KALRN: variants seen among roughly 807,000 people sequenced by gnomAD.
KALRN encodes the protein kalirin.
In KALRN, 70 loss-of-function variants were observed where a neutral mutation model predicts 353.7. That is an observed-to-expected ratio of 0.20 (90% CI 0.16 to 0.24). The LOEUF (loss-of-function observed/expected upper bound fraction) is 0.24. KALRN is among the 10% of genes least tolerant of loss of function. The probability of loss-of-function intolerance (pLI) is 1.00; values close to 1 mark genes in which losing one functional copy is unlikely to be tolerated. For synonymous variants in KALRN, 1,391 were observed against 1,434.8 expected (o/e 0.97, Z 0.69); for missense variants, 2,791 against 3,756.7 (o/e 0.74, Z 6.72).
At position 124,177,270 on chromosome 3, in the gene KALRN, G is replaced by A. The variant is rs201797972; in HGVS notation, c.74-50720G>A. ...AGGCCTGCCATTTCTCAAACACTCC[G>A]GGCAAGACTATTGCTTGGCAAGTGT... On this transcript the variant is annotated intron_variant, in intron 1 of 59. Transcript: ENST00000682506. Among the ~76,000 whole-genome samples, 6 of 152,158 alleles carry A rather than the reference G, an allele frequency of 3.9e-5. No homozygotes were observed. In the East Asian group the frequency reaches 5.8e-4, roughly 15 times the overall value.
At chr3:124,065,584 G>A (rs557027744) in intron 1 of KALRN, among the ~76,000 whole-genome samples, 29 of 140,664 alleles carry the variant, frequency 2.1e-4, no homozygotes, top group Non-Finnish European at 3.3e-4. Context: ...ATGGTGACTA[G>A]TTATACTATT....
At chr3:124,584,172 C>T (rs2074885398) in intron 34 of KALRN, among the ~76,000 whole-genome samples, 1 of 152,052 alleles carries the variant, frequency 6.6e-6, no homozygotes, top group Non-Finnish European at 1.5e-5. Context: ...GATTCCAAAC[C>T]CAGAGTGTGT....
intron 1 of KALRN, among the ~76,000 whole-genome samples, chr3:124,165,314 C>T (rs1026010858): frequency 2.6e-5 from 4 of 152,152 alleles, no homozygotes; most frequent in African/African-American, 9.6e-5. Context: ...CCTGGCTGTG[C>T]ATTAGCATCT....
At chr3:124,252,856 C>G (rs958686422) in intron 3 of KALRN, among the ~76,000 whole-genome samples, 1 of 152,332 alleles carries the variant, frequency 6.6e-6, no homozygotes, top group East Asian at 1.9e-4. Context: ...CTTCTGGATA[C>G]CCAGCCATCC....
chr3:124,147,444 T>G (rs1285681949), intron 1 of KALRN, among the ~76,000 whole-genome samples: 3 of 152,196 alleles, frequency 2.0e-5, no homozygotes, highest in Non-Finnish European at 2.9e-5. Flanking sequence ...TTTGAGTAGG[T>G]GGACCTATCC....
At chr3:124,250,855 G>A (rs2071045928) in intron 3 of KALRN, among the ~76,000 whole-genome samples, 1 of 151,974 alleles carries the variant, frequency 6.6e-6, no homozygotes. Flanking sequence ...AGAAGGAAGG[G>A]ATGAACAGCT....
chr3:124,318,180 A>T (rs1364427079), intron 6 of KALRN, among the ~76,000 whole-genome samples: 2 of 152,146 alleles, frequency 1.3e-5, no homozygotes, highest in Admixed American at 1.3e-4. Context: ...AGCCAATGTT[A>T]TCTTTGCTGG....
chr3:124,130,474 A>G (rs984254572), intron 1 of KALRN, among the ~76,000 whole-genome samples: 29 of 152,288 alleles, frequency 1.9e-4, no homozygotes, highest in African/African-American at 6.5e-4. Context: ...TTTAAAAATG[A>G]CTATTTACCA....
At chr3:124,227,224 A>G (rs1035752570) in intron 1 of KALRN, among the ~76,000 whole-genome samples, 8 of 152,176 alleles carry the variant, frequency 5.3e-5, no homozygotes, top group African/African-American at 1.7e-4. Flanking sequence ...CAGGAACTCA[A>G]CTAGAACATA....
chr3:124,177,225 C>T (rs1026546461), intron 1 of KALRN, among the ~76,000 whole-genome samples: 3 of 152,196 alleles, frequency 2.0e-5, no homozygotes, highest in South Asian at 2.1e-4. Context: ...GAGAACTCTG[C>T]GTGTGTTGTC....
At chr3:124,287,413 T>C (rs899876997) in intron 5 of KALRN, among the ~76,000 whole-genome samples, 1 of 151,912 alleles carries the variant, frequency 6.6e-6, no homozygotes, top group Non-Finnish European at 1.5e-5. Flanking sequence ...CTCAGCCTCC[T>C]TACCAGTCCC....
At chr3:124,277,863 C>T (rs972587085) in intron 5 of KALRN, among the ~76,000 whole-genome samples, 6 of 152,198 alleles carry the variant, frequency 3.9e-5, no homozygotes, top group African/African-American at 1.4e-4. Flanking sequence ...ACTGTGGACC[C>T]CTTAGTGACT....
intron 1 of KALRN, among the ~76,000 whole-genome samples, chr3:124,212,202 G>A (rs911116758): frequency 6.0e-5 from 9 of 150,528 alleles, no homozygotes; most frequent in South Asian, 2.1e-4. Flanking sequence ...GTTGTAGAAA[G>A]TTTGAAAACT....
intron 14 of KALRN, among the ~76,000 whole-genome samples, chr3:124,421,003 T>C (rs1173146981): frequency 6.6e-6 from 1 of 152,208 alleles, no homozygotes; most frequent in African/African-American, 2.4e-5. Flanking sequence ...TGGTGACTTA[T>C]CTGCTGGGCT....
In KALRN at chr3:124,244,867, A is replaced by T. The variant is rs2080931069; in HGVS notation, c.263+9924A>T. ...TATAATTTTTTTTTGCTTTTTAAAA[A>T]TTGATACATAATGTACATATTTATA... On this transcript the variant is annotated intron_variant, in intron 3 of 59. Transcript: ENST00000682506. 2.6e-5 allele frequency among the ~76,000 whole-genome samples: 4 copies of T among 152,110 alleles called. No individual in the cohort carries two copies. In the South Asian group the frequency reaches 8.3e-4, roughly 31 times the overall value.
At chr3:124,333,635 C>G (rs890130649) in intron 8 of KALRN, among the ~76,000 whole-genome samples, 5 of 152,114 alleles carry the variant, frequency 3.3e-5, no homozygotes, top group African/African-American at 1.2e-4. Context: ...CACCTGTAAT[C>G]CAAGCACTTT....
At chr3:124,090,732 G>C (rs2061068516) in intron 1 of KALRN, among the ~76,000 whole-genome samples, 1 of 152,174 alleles carries the variant, frequency 6.6e-6, no homozygotes, top group African/African-American at 2.4e-5. Flanking sequence ...GGAGAGCACG[G>C]ACTGAAGCGG....
At chr3:124,200,025 T>C (rs967051184) in intron 1 of KALRN, among the ~76,000 whole-genome samples, 3 of 152,204 alleles carry the variant, frequency 2.0e-5, no homozygotes, top group Non-Finnish European at 2.9e-5. Flanking sequence ...CTTCTGCATA[T>C]GTCTAAATTT....
At chr3:124,070,674 G>A (rs1481616316) in intron 1 of KALRN, among the ~76,000 whole-genome samples, 1 of 152,204 alleles carries the variant, frequency 6.6e-6, no homozygotes, top group Non-Finnish European at 1.5e-5. Flanking sequence ...TGTTTCCTAA[G>A]TCTCAGTGCC....
Sources: allele counts gnomAD v4.1 joint callset (sites outside exome capture counted in the v4.1 genomes callset), GRCh38; gene constraint gnomAD v4.1.1; transcripts MANE v1.5; gene names NCBI Gene and HGNC (gene_info 2026-07-23, HGNC 2026-07-21).